ZNF407: variants seen among roughly 807,000 people sequenced by gnomAD.
The protein encoded by ZNF407 is zinc finger protein 407.
ZNF407 carries 17 observed loss-of-function variants against 131.2 expected under a neutral mutation model. That is an observed-to-expected ratio of 0.13 (90% CI 0.09 to 0.19). The LOEUF (loss-of-function observed/expected upper bound fraction) is 0.19. Among genes scored for constraint, ZNF407 ranks in the 10% least tolerant of loss-of-function variants. ZNF407 has a pLI of 1.00. For missense variants in ZNF407, 2,681 were observed against 2,830.6 expected, an observed-to-expected ratio of 0.95 and a Z score of 1.20; for synonymous variants, 1,156 against 1,062.0, an observed-to-expected ratio of 1.09 and a Z score of -1.72.
intron 8 of ZNF407, among the ~76,000 whole-genome samples, chr18:75,052,461 C>T (rs936035150): frequency 3.3e-5 from 5 of 152,260 alleles, no homozygotes; most frequent in Admixed American, 6.5e-5. Flanking sequence ...GCCCGTCTTC[C>T]GGTCCTCCCA....
intron 8 of ZNF407, among the ~76,000 whole-genome samples, chr18:75,052,493 C>A: frequency 6.6e-6 from 1 of 152,178 alleles, no homozygotes; most frequent in Non-Finnish European, 1.5e-5. Context: ...GATCCTCCAC[C>A]AGTGTCAGGC....
chr18:74,619,096 G>A lies in ZNF407; in HGVS notation c.-53-11871G>A, dbSNP rs924558562. ...AGTGGTTTATTTTCCCCAGATTTAC[G>A]TTTTGGAAGTACTATTTTTTTCCCT... is the stretch of plus-strand genomic sequence containing the variant. On this transcript the variant is annotated intron_variant, in intron 1 of 8. Coordinates refer to ENST00000299687, the MANE Select transcript of ZNF407 (RefSeq NM_017757.3). Among the ~76,000 whole-genome samples the A allele has an allele frequency of 2.4e-3, 360 of 152,188 alleles. 3 individuals carry two copies. The highest frequency in any genetic ancestry group is 8.3e-3 in the African/African-American group (346 of 41,508).
chr18:74,968,378 C>A (rs896178098), intron 8 of ZNF407, among the ~76,000 whole-genome samples: 14 of 152,108 alleles, frequency 9.2e-5, no homozygotes, highest in African/African-American at 2.7e-4. Flanking sequence ...GACAGTGGGC[C>A]CCCATACTTC....
intron 8 of ZNF407, among the ~76,000 whole-genome samples, chr18:75,002,415 A>T (rs2122162043): frequency 6.6e-6 from 1 of 152,206 alleles, no homozygotes; most frequent in African/African-American, 2.4e-5. Flanking sequence ...AGTAGACTGG[A>T]ACATTTACGT....
At chr18:75,034,452 C>T (rs111468958) in intron 8 of ZNF407, among the ~76,000 whole-genome samples, 4,309 of 151,834 alleles carry the variant, frequency 0.028, 76 homozygotes, top group African/African-American at 0.05. Flanking sequence ...TACAGGTGCG[C>T]GCCACCATGC....
chr18:74,838,691 A>G (rs1370840547), intron 4 of ZNF407, among the ~76,000 whole-genome samples: 1 of 152,118 alleles, frequency 6.6e-6, no homozygotes, highest in Non-Finnish European at 1.5e-5. Flanking sequence ...AGTGACCTCT[A>G]ATATATAAAG....
chr18:74,620,752 C>T (rs1211213873), intron 1 of ZNF407, among the ~76,000 whole-genome samples: 1 of 152,124 alleles, frequency 6.6e-6, no homozygotes, highest in African/African-American at 2.4e-5. Context: ...CATCCGATGA[C>T]CAGAGGCCCC....
At chr18:74,699,833 A>C (rs1480369451) in intron 3 of ZNF407, among the ~76,000 whole-genome samples, 1 of 152,206 alleles carries the variant, frequency 6.6e-6, no homozygotes, top group Non-Finnish European at 1.5e-5. Flanking sequence ...ATTTTCTAAC[A>C]TCTTTGTAAT....
chr18:74,843,144 G>A (rs959386808), intron 4 of ZNF407, among the ~76,000 whole-genome samples: 1 of 152,134 alleles, frequency 6.6e-6, no homozygotes, highest in Admixed American at 6.5e-5. Context: ...ATACTTTGAC[G>A]AATGAGTATA....
rs369628531 is a variant in ZNF407, at chr18:75,057,090, TACG to T, written c.5429-6057_5429-6055del. On this transcript the variant is annotated intron_variant, in intron 8 of 8. Transcript: ENST00000299687. The stretch of plus-strand genomic sequence containing the variant: ...CGCATCGTATTCAAGGTGCTTTCAT[TACG>T]ACAAGGAACCATCCCAGCATTCTCA... Among the ~76,000 whole-genome samples the T allele has an allele frequency of 1.6e-3, 244 of 152,316 alleles. 1 individual carries two copies. Among genetic ancestry groups the T allele is most frequent in the Middle Eastern group, 6.8e-3 (2 of 294 alleles).
At chr18:74,889,695 A>G (rs1223458004) in intron 6 of ZNF407, among the ~76,000 whole-genome samples, 1 of 152,180 alleles carries the variant, frequency 6.6e-6, no homozygotes, top group African/African-American at 2.4e-5. Flanking sequence ...CATATAATCT[A>G]TACTTTGCTT....
At chr18:75,009,255 G>A (rs1434881614) in intron 8 of ZNF407, among the ~76,000 whole-genome samples, 2 of 152,018 alleles carry the variant, frequency 1.3e-5, no homozygotes, top group Admixed American at 6.6e-5. Flanking sequence ...ATTATATATT[G>A]CCTTCTTATT....
At chr18:74,722,716 C>G (rs1461374559) in intron 3 of ZNF407, among the ~76,000 whole-genome samples, 1 of 152,194 alleles carries the variant, frequency 6.6e-6, no homozygotes. Flanking sequence ...AGTAGTTTTT[C>G]AAGATAAAGT....
At chr18:74,957,321 G>A (rs74962668) in intron 8 of ZNF407, among the ~76,000 whole-genome samples, 59 of 152,242 alleles carry the variant, frequency 3.9e-4, no homozygotes, top group East Asian at 2.7e-3. Context: ...AGTCAGTCCC[G>A]TCGCCCTTTC....
At chr18:74,900,118 A>G (rs923906852) in intron 7 of ZNF407, among the ~76,000 whole-genome samples, 1 of 152,222 alleles carries the variant, frequency 6.6e-6, no homozygotes, top group South Asian at 2.1e-4. Context: ...TGAAAACTGC[A>G]TTATTCGTGA....
chr18:74,628,110 A>C (rs896317559), intron 1 of ZNF407, among the ~76,000 whole-genome samples: 2 of 152,088 alleles, frequency 1.3e-5, no homozygotes, highest in Admixed American at 1.3e-4. Flanking sequence ...CTCTTATATA[A>C]TTTATATTTT....
At chr18:74,608,189 G>A (rs1453575519) in intron 1 of ZNF407, among the ~76,000 whole-genome samples, 1 of 152,116 alleles carries the variant, frequency 6.6e-6, no homozygotes, top group African/African-American at 2.4e-5. Context: ...TACAATCATT[G>A]AAACCAGGCA....
At chr18:74,879,381 TCA>T (rs1971207260) in intron 5 of ZNF407, among the ~76,000 whole-genome samples, 2 of 152,072 alleles carry the variant, frequency 1.3e-5, no homozygotes. Flanking sequence ...CACACACTCC[TCA>T]CACGCACAGC....
intron 8 of ZNF407, among the ~76,000 whole-genome samples, chr18:74,956,372 T>C (rs115658447): frequency 0.011 from 1,633 of 152,014 alleles, 32 homozygotes; most frequent in African/African-American, 0.037. Flanking sequence ...GATAATAAGG[T>C]TTTTGGCAGC....
Sources: allele counts gnomAD v4.1 joint callset (sites outside exome capture counted in the v4.1 genomes callset), GRCh38; gene constraint gnomAD v4.1.1; transcripts MANE v1.5; gene names NCBI Gene and HGNC (gene_info 2026-07-23, HGNC 2026-07-21).